DIP2A: variants seen among roughly 807,000 people sequenced by gnomAD.
DIP2A encodes disco-interacting protein 2 homolog A.
A neutral mutation model predicts 177.4 loss-of-function variants in DIP2A; 85 were observed. The ratio of observed to expected loss-of-function variants is 0.48; its 90% CI spans 0.40 to 0.57. DIP2A has a LOEUF of 0.57. DIP2A is among the 20% of genes least tolerant of loss of function. DIP2A has a pLI of 0.00. For missense variants in DIP2A, 1,791 were observed against 2,100.2 expected (o/e 0.85, Z 2.88); for synonymous variants, 886 against 881.8 (o/e 1.00, Z -0.08).
In DIP2A at chr21:46,501,879, T is replaced by C. The variant is rs544198514; in HGVS notation, c.656-2482T>C. Reference sequence around the variant, plus strand: ...AACTAAAAGAACCTCCTGATAGACATACTTTAAAATGCTAATTTGATCAGC... The same window carrying C: ...AACTAAAAGAACCTCCTGATAGACACACTTTAAAATGCTAATTTGATCAGC... On this transcript the variant is annotated intron_variant, in intron 5 of 37. Coordinates refer to ENST00000417564, the MANE Select transcript of DIP2A (RefSeq NM_015151.4). Among the ~76,000 whole-genome samples the C allele has an allele frequency of 3.9e-5, 6 of 152,336 alleles. No individual in the cohort carries two copies. In the East Asian group the frequency reaches 7.7e-4, roughly 20 times the overall value.
intron 13 of DIP2A, among the ~76,000 whole-genome samples, chr21:46,535,552 T>A (rs1204849227): frequency 6.6e-6 from 1 of 151,854 alleles, no homozygotes; most frequent in Non-Finnish European, 1.5e-5. Flanking sequence ...AGACCCTGTC[T>A]CTACAAAAAA....
At chr21:46,535,032 G>C (rs192215900) in intron 13 of DIP2A, among the ~76,000 whole-genome samples, 1,642 of 152,282 alleles carry the variant, frequency 0.011, 14 homozygotes, top group Middle Eastern at 0.02. Context: ...GCCTGCCCTG[G>C]GGGGCTGGCT....
At chr21:46,572,692 C>G (rs1223091619), downstream of DIP2A, among the ~76,000 whole-genome samples, 1 of 152,164 alleles carries the variant, frequency 6.6e-6, no homozygotes, top group Non-Finnish European at 1.5e-5. Context: ...GGCCCTCAAC[C>G]TTGGACTTCT....
At chr21:46,574,746 A>G (rs781135408), downstream of DIP2A, among the ~76,000 whole-genome samples, 1 of 152,200 alleles carries the variant, frequency 6.6e-6, no homozygotes, top group Non-Finnish European at 1.5e-5. Flanking sequence ...AAGACTAATC[A>G]TGAAGAAATA....
chr21:46,566,866 A>G (rs2060853847), intron 37 of DIP2A, among the ~76,000 whole-genome samples, 183 bp downstream of exon 37: 1 of 152,188 alleles, frequency 6.6e-6, no homozygotes, highest in Non-Finnish European at 1.5e-5. Context: ...TACCTTGGGC[A>G]TTGCCAGAGA....
intron 1 of DIP2A, among the ~76,000 whole-genome samples, chr21:46,478,400 T>G (rs892301414): frequency 6.6e-6 from 1 of 151,840 alleles, no homozygotes; most frequent in Non-Finnish European, 1.5e-5. Context: ...TTAGTAGAGA[T>G]AGGGTTTCTC....
chr21:46,556,219 C>T lies in DIP2A; in HGVS notation c.3498+128C>T. 7.0e-7 allele frequency: 1 copy of T among 1,427,136 alleles called. No individual in the cohort carries two copies. The highest frequency in any genetic ancestry group is 1.2e-5 in the South Asian group (1 of 82,050). 88.4% of individuals were successfully genotyped at this position (1,427,136 alleles called of 1,614,324 possible). A position where few individuals can be genotyped will look rare whatever the true frequency, so the allele number is the denominator to read the frequency against. Reference sequence around the variant, plus strand: ...AAAGCACAAAGCAACAATTTTGCTTCTTAAGATTTGTGTTAAATACCAATA... The same window carrying T: ...AAAGCACAAAGCAACAATTTTGCTTTTTAAGATTTGTGTTAAATACCAATA... On this transcript the variant is annotated intron_variant, in intron 29 of 37. Coordinates refer to ENST00000417564, the MANE Select transcript of DIP2A (RefSeq NM_015151.4). The surrounding 1 kb of genome is among the most constrained non-coding windows in gnomAD (Gnocchi z 4.5).
chr21:46,544,120 C>T (rs140852226), intron 18 of DIP2A, among the ~76,000 whole-genome samples: 1 of 152,166 alleles, frequency 6.6e-6, no homozygotes, highest in African/African-American at 2.4e-5. Flanking sequence ...GAGGCTGTTT[C>T]TGGAGGCCTT....
At chr21:46,499,349 G>A (rs1285989388) in intron 5 of DIP2A, among the ~76,000 whole-genome samples, 3 of 152,268 alleles carry the variant, frequency 2.0e-5, no homozygotes, top group Non-Finnish European at 2.9e-5. Flanking sequence ...AGGTGCAGGG[G>A]TAGATGGTCA....
intron 2 of DIP2A, among the ~76,000 whole-genome samples, chr21:46,487,149 C>T (rs981402449): frequency 3.9e-5 from 6 of 152,168 alleles, no homozygotes; most frequent in Non-Finnish European, 7.3e-5. Flanking sequence ...ATTTCATAAC[C>T]TATGTGGTGG....
intron 2 of DIP2A, among the ~76,000 whole-genome samples, chr21:46,485,324 A>G (rs1482451747): frequency 6.6e-6 from 1 of 152,172 alleles, no homozygotes; most frequent in Non-Finnish European, 1.5e-5. Context: ...AAATATTTTC[A>G]AAAAAGAATG....
intron 21 of DIP2A, among the ~76,000 whole-genome samples, chr21:46,548,183 T>C (rs1173012919): frequency 6.9e-6 from 1 of 143,892 alleles, no homozygotes; most frequent in Non-Finnish European, 1.5e-5. Context: ...CATGTGTGCG[T>C]GTGTGTGTGT....
chr21:46,511,291 CAA>C lies in DIP2A; in HGVS notation c.905-124_905-123del, dbSNP rs2058298817. On this transcript the variant is annotated intron_variant, in intron 7 of 37. Coordinates refer to ENST00000417564, the MANE Select transcript of DIP2A (RefSeq NM_015151.4). Reference sequence around the variant, plus strand: ...GGTGACTGTGATGCAAAAATCGAAACAAATTATTGTAAGCTTTTTTATAGTTG... The same window carrying C: ...GGTGACTGTGATGCAAAAATCGAAACATTATTGTAAGCTTTTTTATAGTTG... 9.3e-6 allele frequency: 10 copies of C among 1,078,662 alleles called. No individual in the cohort carries two copies. The Admixed American group carries it at 2.9e-4, about 31-fold the overall frequency. The allele number at this position is 1,078,662 out of a possible 1,614,324, so 66.8% of individuals were successfully genotyped here.
chr21:46,466,217 A>C (rs1344025339), intron 1 of DIP2A, among the ~76,000 whole-genome samples: 1 of 152,098 alleles, frequency 6.6e-6, no homozygotes, highest in Admixed American at 6.6e-5. Context: ...TTTCCAGCTC[A>C]CCATTGCACC....
intron 19 of DIP2A, 67 bp from the exon 20 acceptor site, chr21:46,545,814 G>T: frequency 6.3e-7 from 1 of 1,578,316 alleles, no homozygotes. Flanking sequence ...CCTGCCGCCT[G>T]CTGGGTCTTT....
rs780062376 is a variant in DIP2A at position 46,539,897 on chromosome 21, G to A, written c.1942G>A (p.Ala648Thr). The change falls in exon 17 of 38, where the codon GCC becomes ACC. Residue 648 changes from alanine to threonine, a missense_variant. Transcript: ENST00000417564. ...TGCAGGGTCGATCTCCTCCTGTGAC[G>A]CCTTCCTCAACGTCTTCCAGTCCAG... ...ANPWSISSCDAFLNVFQSRGL... is the reference protein window; with the variant it reads ...ANPWSISSCDTFLNVFQSRGL... The A allele has an allele frequency of 8.1e-6, 13 of 1,613,804 alleles. No individual in the cohort carries two copies. The highest frequency in any genetic ancestry group is 3.3e-5 in the Admixed American group (2 of 60,006).
intron 27 of DIP2A, 36 bp from the exon 28 acceptor site, chr21:46,554,786 G>GGGGGGGGGGGGGGCCCCC: frequency 2.6e-6 from 4 of 1,519,044 alleles, no homozygotes; most frequent in Non-Finnish European, 2.7e-6. Context: ...AGCTTGAGAG[G>GGGGGGGGGGGGGGCCCCC]CCCCGCCCAC....
intron 3 of DIP2A, among the ~76,000 whole-genome samples, chr21:46,495,073 T>A (rs891552987): frequency 2.6e-5 from 4 of 152,196 alleles, no homozygotes; most frequent in African/African-American, 9.7e-5. Flanking sequence ...ACCACATTTG[T>A]TTGTAGTGAC....
At chr21:46,523,473 C>G (rs545614973) in intron 8 of DIP2A, among the ~76,000 whole-genome samples, 2 of 148,182 alleles carry the variant, frequency 1.3e-5, no homozygotes, top group African/African-American at 5.0e-5. Context: ...TCTTGAACCC[C>G]TGATCTTGTG....
Sources: gnomAD v4.1 joint callset for allele counts (sites outside exome capture counted in the v4.1 genomes callset) on GRCh38, gnomAD v4.1.1 for gene constraint, Gnocchi (gnomAD v3.1) non-coding constraint, MANE v1.5 for transcripts, NCBI Gene and HGNC (gene_info 2026-07-23, HGNC 2026-07-21) for gene names.